The following NIPAL4 variants were observed in gnomAD, a reference collection of about 807,000 sequenced individuals.
NIPAL4 encodes magnesium transporter NIPA4.
In NIPAL4, 21 loss-of-function variants were observed where a neutral mutation model predicts 31.6. The observed-to-expected ratio is 0.67, with a 90% CI of 0.47 to 0.96. NIPAL4 has a LOEUF of 0.96. NIPAL4 is among the 40% of genes least tolerant of loss of function. The pLI is 0.00. For missense variants in NIPAL4, 438 were observed against 508.0 expected (o/e 0.86, Z 1.32); for synonymous variants, 175 against 211.1 (o/e 0.83, Z 1.48).
At chr5:157,467,771 G>T (rs76367243) in intron 3 of NIPAL4, 13,709 of 153,162 alleles carry the variant, frequency 0.09, 929 homozygotes, top group African/African-American at 0.19. Flanking sequence ...ACATATTGAG[G>T]GTTTACTGTC....
intron 4 of NIPAL4, among the ~76,000 whole-genome samples, chr5:157,470,120 T>A (rs892074248): frequency 6.6e-6 from 1 of 152,304 alleles, no homozygotes; most frequent in East Asian, 1.9e-4. Context: ...TGAACCAGGA[T>A]TTTTAAGGCT....
At chr5:157,468,870 C>A in intron 4 of NIPAL4, 58 bp downstream of exon 4, 1 of 1,235,040 alleles carries the variant, frequency 8.1e-7, no homozygotes, top group Non-Finnish European at 1.1e-6. Flanking sequence ...TTGTTGAGGC[C>A]TGGAATTGCC....
At chr5:157,464,255 C>A (rs1754192378) in intron 2 of NIPAL4, among the ~76,000 whole-genome samples, 1 of 152,068 alleles carries the variant, frequency 6.6e-6, no homozygotes, top group Non-Finnish European at 1.5e-5. Flanking sequence ...TTGAGTGATA[C>A]TAGAAATCGA....
intron 3 of NIPAL4, 148 bp from the exon 4 acceptor site, chr5:157,468,574 C>G (rs1470571032): frequency 1.6e-6 from 1 of 616,090 alleles, no homozygotes; most frequent in African/African-American, 1.8e-5. Context: ...GACCTTCGAT[C>G]AGACTCTCCA....
chr5:157,471,365 A>C (rs1581271640), intron 4 of NIPAL4, among the ~76,000 whole-genome samples: 1 of 152,184 alleles, frequency 6.6e-6, no homozygotes, highest in East Asian at 1.9e-4. Context: ...ATTCTTCAGT[A>C]CCAGCTCTGT....
chr5:157,466,053 G>GGA (rs1197437435), intron 2 of NIPAL4, among the ~76,000 whole-genome samples: 1 of 75,844 alleles, frequency 1.3e-5, no homozygotes, highest in African/African-American at 4.8e-5. Flanking sequence ...AGGGAAGGAA[G>GGA]AGAGAGAGAA....
chr5:157,473,091 C>T lies in NIPAL4; in HGVS notation c.*131C>T, dbSNP rs1171651234. ...CTTTTCTTGAGAAGTTCATTTATAC[C>T]TCATCACTGTTTCCAGGAGAAAAAT... is the stretch of plus-strand genomic sequence containing the variant. On this transcript the variant is annotated 3_prime_UTR_variant, in exon 6 of 6. Coordinates refer to ENST00000311946, the MANE Select transcript of NIPAL4 (RefSeq NM_001099287.2). 2 of 691,576 alleles carry T rather than the reference C, an allele frequency of 2.9e-6. No individual in the cohort carries two copies. Among genetic ancestry groups the T allele is most frequent in the African/African-American group, 3.6e-5 (2 of 56,270 alleles). The allele number at this position is 691,576 out of a possible 1,614,324, so 42.8% of individuals were successfully genotyped here. A position where few individuals can be genotyped will look rare whatever the true frequency, so the allele number is the denominator to read the frequency against.
chr5:157,472,696 G>T lies in NIPAL4; in HGVS notation c.951G>T (p.Trp317Cys). Residue 317 changes from tryptophan to cysteine, a missense_variant, in exon 6 of 6, where the codon TGG becomes TGT. Trp to Cys is a radical substitution (Grantham distance 215). Transcript: ENST00000311946. Reference protein sequence around the residue: ...VTSSIILFKEWYSMSAVDIAG... With the variant: ...VTSSIILFKECYSMSAVDIAG... ...CGTCCATCATCCTCTTCAAGGAGTG[G>T]TACAGCATGTCTGCTGTGGACATTG... is the stretch of plus-strand genomic sequence containing the variant. 1 of 1,613,908 alleles carries T rather than the reference G, an allele frequency of 6.2e-7. No homozygotes were observed. The highest frequency in any genetic ancestry group is 8.5e-7 in the Non-Finnish European group (1 of 1,179,874).
rs374829524 is a variant in NIPAL4, at chr5:157,463,249, C to T, written c.193C>T (p.Leu65=). The T allele has an allele frequency of 6.6e-4, 1,062 of 1,614,002 alleles. 12 individuals carry two copies. The Middle Eastern group carries it at 0.021, about 32-fold the overall frequency. The change falls in exon 2 of 6, where the codon CTG becomes TTG. Residue 65 remains leucine (L), a synonymous_variant. Transcript: ENST00000311946. ...CTACATCGGCCTGGGCCTGGCATTC[C>T]TGTCTAGCTTCCTCATCGGCAGCAG... The part of the protein sequence containing the change: ...GFYIGLGLAF[L]SSFLIGSSVI...
chr5:157,466,982 G>A, intron 2 of NIPAL4, 67 bp from the exon 3 acceptor site: 1 of 1,231,404 alleles, frequency 8.1e-7, no homozygotes, highest in Non-Finnish European at 1.2e-6. Context: ...TGAGCAGAGA[G>A]TTAGGAAAGG....
intron 3 of NIPAL4, 166 bp downstream of exon 3, chr5:157,467,271 C>T (rs990581237): frequency 1.3e-5 from 8 of 635,892 alleles, no homozygotes; most frequent in Admixed American, 2.1e-5. Flanking sequence ...AACATCTTAC[C>T]ATCAAAGTCA....
Position 157,463,337 on chromosome 5 carries a change from G to T in NIPAL4, c.277+4G>T. 1.2e-6 allele frequency: 2 copies of T among 1,604,316 alleles called. No individual in the cohort carries two copies. Among genetic ancestry groups the T allele is most frequent in the South Asian group, 2.2e-5 (2 of 89,632 alleles). On this transcript the variant is annotated splice_donor_region_variant and intron_variant, in intron 2 of 5. Transcript: ENST00000311946. ...GCCACGGGAGCCACTCGAGCTGGTAGGTTCCTGGGCCAGGAGAGGATAGGG... is the reference window on the plus strand; with the variant it reads ...GCCACGGGAGCCACTCGAGCTGGTATGTTCCTGGGCCAGGAGAGGATAGGG...
intron 1 of NIPAL4, among the ~76,000 whole-genome samples, chr5:157,462,305 C>A (rs1300474878): frequency 6.6e-6 from 1 of 152,128 alleles, no homozygotes; most frequent in Non-Finnish European, 1.5e-5. Context: ...ACCGTAGCCT[C>A]CCATCTGAAT....
chr5:157,472,584 A>G lies in NIPAL4; in HGVS notation c.839A>G (p.Asn280Ser). ...ILALSLSTQV[N>S]FLNRALDIFN... The stretch of plus-strand genomic sequence containing the variant: ...GCACTGTCCCTCAGCACTCAGGTCA[A>G]CTTCCTCAACAGAGCACTGGACATT... The change falls in exon 6 of 6, where the codon AAC becomes AGC. Residue 280 changes from asparagine to serine, a missense_variant. Transcript: ENST00000311946. 13 of 1,613,602 alleles carry G rather than the reference A, an allele frequency of 8.1e-6. No individual in the cohort carries two copies. The highest frequency in any genetic ancestry group is 6.8e-6 in the Non-Finnish European group (8 of 1,179,794).
chr5:157,468,845 T>C (rs1190273457), intron 4 of NIPAL4, 33 bp downstream of exon 4: 2 of 1,427,922 alleles, frequency 1.4e-6, no homozygotes, highest in Non-Finnish European at 9.6e-7. Context: ...TCTCTTTTTC[T>C]ATTCCGTTTT....
In NIPAL4 at chr5:157,467,122, T is replaced by C. The variant is rs1327507712; in HGVS notation, c.334+17T>C. On this transcript the variant is annotated intron_variant, in intron 3 of 5. Transcript: ENST00000311946. ...TTCTCACCAGTAAGTGGGTTGTTTG[T>C]TACTAATAACAGTGGCCTATTGATA... 2 of 1,599,438 alleles carry C rather than the reference T, an allele frequency of 1.3e-6. No homozygotes were observed. The highest frequency in any genetic ancestry group is 1.1e-5 in the South Asian group (1 of 90,724).
intron 2 of NIPAL4, among the ~76,000 whole-genome samples, chr5:157,465,198 A>T (rs1049768412): frequency 6.6e-6 from 1 of 152,200 alleles, no homozygotes; most frequent in Non-Finnish European, 1.5e-5. Context: ...ACTTCTAGAC[A>T]AGTGTTGGAA....
chr5:157,463,445 A>G (rs777882110), intron 2 of NIPAL4, 112 bp downstream of exon 2: 44 of 1,284,092 alleles, frequency 3.4e-5, no homozygotes, highest in Non-Finnish European at 4.5e-5. Flanking sequence ...CTCATTGTCA[A>G]CCCTATCTGG....
At chr5:157,470,666 C>T (rs1561830961) in intron 4 of NIPAL4, among the ~76,000 whole-genome samples, 1 of 152,132 alleles carries the variant, frequency 6.6e-6, no homozygotes, top group Non-Finnish European at 1.5e-5. Context: ...CTGGCTTATA[C>T]AAATGAAATA....
Sources: allele counts gnomAD v4.1 joint callset (sites outside exome capture counted in the v4.1 genomes callset), GRCh38; gene constraint gnomAD v4.1.1; transcripts MANE v1.5; gene names NCBI Gene and HGNC (gene_info 2026-07-23, HGNC 2026-07-21).